Variants in SPIN1 observed in about 807,000 individuals in gnomAD.
SPIN1 encodes spindlin-1.
A neutral mutation model predicts 26.0 loss-of-function variants in SPIN1; 3 were observed. That is an observed-to-expected ratio of 0.12 (90% CI 0.05 to 0.30). The LOEUF (loss-of-function observed/expected upper bound fraction) is 0.30. Ranked by LOEUF, SPIN1 falls within the 10% of genes least tolerant of loss-of-function variation. SPIN1 has a pLI of 1.00. For missense variants in SPIN1, 126 were observed against 333.4 expected, an observed-to-expected ratio of 0.38 and a Z score of 4.84; for synonymous variants, 101 against 116.5, an observed-to-expected ratio of 0.87 and a Z score of 0.86.
At chr9:88,467,690 C>A (rs1438616486) in intron 4 of SPIN1, among the ~76,000 whole-genome samples, 1 of 152,034 alleles carries the variant, frequency 6.6e-6, no homozygotes, top group East Asian at 1.9e-4. Context: ...AAAGGGAAGG[C>A]ATGGGAACAT....
chr9:88,405,661 A>T (rs899254757), intron 1 of SPIN1, among the ~76,000 whole-genome samples: 2 of 146,870 alleles, frequency 1.4e-5, no homozygotes, highest in Non-Finnish European at 3.0e-5. Context: ...CTTCTGCCTC[A>T]GCCTCCTGAG....
At chr9:88,464,912 T>C (rs1828633441) in intron 4 of SPIN1, among the ~76,000 whole-genome samples, 1 of 152,158 alleles carries the variant, frequency 6.6e-6, no homozygotes, top group South Asian at 2.1e-4. Context: ...CAACCTACCT[T>C]TCCTCCCATT....
chr9:88,477,251 G>A lies in SPIN1; in HGVS notation c.*1974G>A, dbSNP rs1193295638. ...TCCAGACTGACATTACAGCGCAAGA[G>A]TTTGCAAGTGTGTCCAGCATGCACC... On this transcript the variant is annotated 3_prime_UTR_variant, in exon 6 of 6. Transcript: ENST00000375859. 1.3e-5 allele frequency: 2 copies of A among 152,208 alleles called. No homozygotes were observed. The highest frequency in any genetic ancestry group is 4.8e-5 in the African/African-American group (2 of 41,454). The allele number at this position is 152,208 out of a possible 1,614,324, so 9.4% of individuals were successfully genotyped here.
At chr9:88,414,858 G>T (rs1311471297) in intron 1 of SPIN1, among the ~76,000 whole-genome samples, 1 of 152,128 alleles carries the variant, frequency 6.6e-6, no homozygotes, top group Non-Finnish European at 1.5e-5. Context: ...TATTACACTT[G>T]TATTAAAACT....
At chr9:88,469,463 A>G (rs916609991) in intron 5 of SPIN1, among the ~76,000 whole-genome samples, 3 of 152,230 alleles carry the variant, frequency 2.0e-5, no homozygotes, top group African/African-American at 7.2e-5. Context: ...CAGGTAAGGT[A>G]GAAGAGGATG....
chr9:88,388,557 G>C lies in SPIN1; in HGVS notation c.-159+19G>C, dbSNP rs1369694048. 2.0e-5 allele frequency: 3 copies of C among 148,306 alleles called. No homozygotes were observed. The highest frequency in any genetic ancestry group is 4.5e-5 in the Non-Finnish European group (3 of 66,768). 9.2% of individuals were successfully genotyped at this position (148,306 alleles called of 1,614,324 possible). ...TCAGCAGGTGAGGCCCGCGCAGGGC[G>C]GGCGTGGGTCGTGAGGGAGTGCGGG... is the stretch of plus-strand genomic sequence containing the variant. On this transcript the variant is annotated intron_variant, in intron 1 of 5. Coordinates refer to ENST00000375859, the MANE Select transcript of SPIN1 (RefSeq NM_006717.3).
At chr9:88,393,876 C>G (rs754387778) in intron 1 of SPIN1, among the ~76,000 whole-genome samples, 1 of 151,882 alleles carries the variant, frequency 6.6e-6, no homozygotes, top group Non-Finnish European at 1.5e-5. Context: ...TTGAGACAGT[C>G]TTGCTCTGTC....
chr9:88,414,564 C>T (rs940850783), intron 1 of SPIN1, among the ~76,000 whole-genome samples: 2 of 152,202 alleles, frequency 1.3e-5, no homozygotes, highest in Non-Finnish European at 2.9e-5. Flanking sequence ...TGAGCTGTGC[C>T]TGAGCGCCTG....
At chr9:88,475,043 CTCTCTTTTTTTT>C in intron 5 of SPIN1, 23 bp from the exon 6 acceptor site, 1 of 1,320,700 alleles carries the variant, frequency 7.6e-7, no homozygotes, top group Non-Finnish European at 9.9e-7. Context: ...TTTTCTCTCT[CTCTCTTTTTTTT>C]TTTTTTTTTT....
intron 1 of SPIN1, among the ~76,000 whole-genome samples, chr9:88,389,067 C>T (rs1245510565): frequency 6.6e-6 from 1 of 152,012 alleles, no homozygotes. Flanking sequence ...GGACGCGGGC[C>T]TGCCCTGGGG....
intron 2 of SPIN1, among the ~76,000 whole-genome samples, chr9:88,432,730 G>A (rs556468780): frequency 6.6e-6 from 1 of 152,010 alleles, no homozygotes; most frequent in African/African-American, 2.4e-5. Context: ...CTTGTGATCT[G>A]CCTGCCTTGA....
At chr9:88,395,010 A>G (rs375557902) in intron 1 of SPIN1, among the ~76,000 whole-genome samples, 4 of 150,086 alleles carry the variant, frequency 2.7e-5, no homozygotes, top group Non-Finnish European at 4.4e-5. Context: ...GGGTTTCACT[A>G]TGTTAGCCAA....
intron 4 of SPIN1, among the ~76,000 whole-genome samples, chr9:88,463,097 G>A (rs1828602218): frequency 6.6e-6 from 1 of 152,202 alleles, no homozygotes; most frequent in African/African-American, 2.4e-5. Flanking sequence ...AGATACAAAA[G>A]ATAAGAGAAT....
intron 3 of SPIN1, among the ~76,000 whole-genome samples, chr9:88,455,077 G>T (rs995210578): frequency 1.3e-5 from 2 of 152,198 alleles, no homozygotes; most frequent in Non-Finnish European, 2.9e-5. Flanking sequence ...AGAAATAAAT[G>T]TAGGAATTGC....
chr9:88,466,966 G>A (rs1241045152), intron 4 of SPIN1, among the ~76,000 whole-genome samples: 1 of 152,104 alleles, frequency 6.6e-6, no homozygotes, highest in Non-Finnish European at 1.5e-5. Context: ...CAAACTTCTG[G>A]GCTCAAGTGA....
At chr9:88,438,113 T>C (rs990205725) in intron 2 of SPIN1, among the ~76,000 whole-genome samples, 2 of 151,398 alleles carry the variant, frequency 1.3e-5, no homozygotes, top group African/African-American at 4.9e-5. Context: ...ATCATGCTGC[T>C]GCACTCCAGC....
At chr9:88,398,653 G>A (rs187857039) in intron 1 of SPIN1, among the ~76,000 whole-genome samples, 9 of 152,174 alleles carry the variant, frequency 5.9e-5, no homozygotes, top group Non-Finnish European at 1.3e-4. Context: ...TTGGCTCATC[G>A]CAACCTCCGC....
intron 3 of SPIN1, among the ~76,000 whole-genome samples, chr9:88,457,582 G>A (rs956420582): frequency 3.3e-5 from 5 of 151,976 alleles, no homozygotes; most frequent in Non-Finnish European, 5.9e-5. Flanking sequence ...GCCCCTCAGA[G>A]GAACAAGGAT....
intron 3 of SPIN1, 109 bp from the exon 4 acceptor site, chr9:88,462,387 C>A: frequency 6.9e-7 from 1 of 1,441,496 alleles, no homozygotes; most frequent in East Asian, 2.3e-5. Context: ...TGAGTTTGTA[C>A]ATATTTTGGG....
Sources: allele counts gnomAD v4.1 joint callset (sites outside exome capture counted in the v4.1 genomes callset), GRCh38; gene constraint gnomAD v4.1.1; transcripts MANE v1.5; gene names NCBI Gene and HGNC (gene_info 2026-07-23, HGNC 2026-07-21).